The following MARK1 variants were observed in gnomAD, a reference collection of about 807,000 sequenced individuals.
MARK1 encodes the protein serine/threonine-protein kinase MARK1.
A neutral mutation model predicts 96.3 loss-of-function variants in MARK1; 40 were observed. The ratio of observed to expected loss-of-function variants is 0.42; its 90% confidence interval spans 0.32 to 0.54. The LOEUF is 0.54. MARK1 is among the 20% of genes least tolerant of loss of function. MARK1 has a pLI of 0.16. For synonymous variants in MARK1, 317 were observed against 341.2 expected (o/e 0.93, Z 0.78); for missense variants, 719 against 984.6 (o/e 0.73, Z 3.61).
At chr1:220,545,659 G>A (rs980818459) in intron 1 of MARK1, among the ~76,000 whole-genome samples, 1 of 151,882 alleles carries the variant, frequency 6.6e-6, no homozygotes, top group Non-Finnish European at 1.5e-5. Context: ...GGCTGGTTTC[G>A]AACTCTTGGG....
At chr1:220,607,853 C>A (rs1029510264) in intron 6 of MARK1, among the ~76,000 whole-genome samples, 4 of 152,100 alleles carry the variant, frequency 2.6e-5, no homozygotes, top group Non-Finnish European at 5.9e-5. Flanking sequence ...TGATGGATTA[C>A]GTTTATTGAT....
intron 1 of MARK1, among the ~76,000 whole-genome samples, chr1:220,534,077 A>G (rs549504880): frequency 2.3e-4 from 35 of 152,224 alleles, no homozygotes; most frequent in African/African-American, 7.7e-4. Flanking sequence ...AGTGTGCAGT[A>G]CAGTATTTTT....
chr1:220,560,466 C>T (rs769417287), intron 1 of MARK1, among the ~76,000 whole-genome samples: 1 of 152,166 alleles, frequency 6.6e-6, no homozygotes, highest in African/African-American at 2.4e-5. Context: ...AAATTAAGTA[C>T]ATCATGGCTT....
At chr1:220,575,174 CT>C (rs761480745) in intron 1 of MARK1, among the ~76,000 whole-genome samples, 5 of 152,126 alleles carry the variant, frequency 3.3e-5, no homozygotes, top group Non-Finnish European at 5.9e-5. Flanking sequence ...TCTCTGCTTA[CT>C]TTGACTACAC....
Position 220,594,598 on chromosome 1 carries a change from A to G in MARK1, c.310-3733A>G, listed in dbSNP as rs559531870. 6.6e-4 allele frequency among the ~76,000 whole-genome samples: 100 copies of G among 152,328 alleles called. 1 individual carries two copies. The highest frequency in any genetic ancestry group is 2.3e-3 in the African/African-American group (97 of 41,582). On this transcript the variant is annotated intron_variant, in intron 3 of 17. Transcript: ENST00000366917. ...TGTTTATATAGCAGCTTTAGTCATA[A>G]TGGTCATAACTTGGAAGCAACCAAG...
chr1:220,599,480 A>T (rs555408028), intron 4 of MARK1, among the ~76,000 whole-genome samples: 2 of 152,014 alleles, frequency 1.3e-5, no homozygotes, highest in African/African-American at 2.4e-5. Flanking sequence ...TCTCTTTTTA[A>T]ACTTCAGTTT....
intron 3 of MARK1, among the ~76,000 whole-genome samples, chr1:220,594,972 A>C (rs1665235348): frequency 6.6e-6 from 1 of 152,184 alleles, no homozygotes; most frequent in South Asian, 2.1e-4. Flanking sequence ...AATGTATAGT[A>C]GTAGCAAGAG....
chr1:220,539,731 G>C (rs988435655), intron 1 of MARK1, among the ~76,000 whole-genome samples: 3 of 150,996 alleles, frequency 2.0e-5, no homozygotes, highest in African/African-American at 7.3e-5. Flanking sequence ...TCTTGGGCGT[G>C]GTACGTGATC....
chr1:220,658,083 GTATGTCAAGC>G (rs764064055), intron 17 of MARK1, among the ~76,000 whole-genome samples: 2 of 152,152 alleles, frequency 1.3e-5, no homozygotes, highest in Non-Finnish European at 2.9e-5. Context: ...GTTCTATAAA[GTATGTCAAGC>G]TAAAGAATTA....
intron 1 of MARK1, among the ~76,000 whole-genome samples, chr1:220,565,997 T>G (rs1486473915): frequency 6.6e-6 from 1 of 152,186 alleles, no homozygotes; most frequent in Non-Finnish European, 1.5e-5. Flanking sequence ...TAAGATGGAT[T>G]TAGGTTTTGC....
Position 220,635,906 on chromosome 1 carries a change from A to G in MARK1, c.1350A>G (p.Lys450=). Residue 450 remains lysine, a synonymous_variant, in exon 13 of 18, where the codon AAA becomes AAG. Coordinates refer to ENST00000366917, the MANE Select transcript of MARK1 (RefSeq NM_018650.5). ...PQANSVESEQ[K]EEWDKDVARK... Reference sequence around the variant, plus strand: ...CTAACAGTGTGGAAAGTGAACAGAAAGAGGAGTGGGACAAAGATGTGGCTC... The same window carrying G: ...CTAACAGTGTGGAAAGTGAACAGAAGGAGGAGTGGGACAAAGATGTGGCTC... The G allele has an allele frequency of 6.2e-7, 1 of 1,614,136 alleles. No homozygotes were observed. The highest frequency in any genetic ancestry group is 8.5e-7 in the Non-Finnish European group (1 of 1,180,012).
chr1:220,528,350 C>A lies in MARK1; in HGVS notation c.-473C>A, dbSNP rs1660051640. 6.5e-6 allele frequency: 1 copy of A among 154,270 alleles called. No homozygotes were observed. The highest frequency in any genetic ancestry group is 1.4e-5 in the Non-Finnish European group (1 of 69,670). 9.6% of individuals were successfully genotyped at this position (154,270 alleles called of 1,614,324 possible). Reference sequence around the variant, plus strand: ...CGGCTGGGTCGGGCGGCGCCGTACACCTGAGGCGGAGAACGGGGCGCGGCG... The same window carrying A: ...CGGCTGGGTCGGGCGGCGCCGTACAACTGAGGCGGAGAACGGGGCGCGGCG... On this transcript the variant is annotated 5_prime_UTR_variant, in exon 1 of 18. Transcript: ENST00000366917.
intron 1 of MARK1, among the ~76,000 whole-genome samples, chr1:220,545,572 G>A (rs113692607): frequency 5.3e-4 from 81 of 151,744 alleles, no homozygotes; most frequent in Middle Eastern, 6.8e-3. Flanking sequence ...GAGTAGCTGG[G>A]ACTATAGGTG....
chr1:220,594,177 G>T (rs1665173022), intron 3 of MARK1, among the ~76,000 whole-genome samples: 1 of 152,188 alleles, frequency 6.6e-6, no homozygotes, highest in South Asian at 2.1e-4. Context: ...GCTTGAAAAG[G>T]CTTGAAAATG....
chr1:220,604,932 C>A (rs963706510), intron 6 of MARK1, among the ~76,000 whole-genome samples: 1 of 152,040 alleles, frequency 6.6e-6, no homozygotes, highest in African/African-American at 2.4e-5. Flanking sequence ...ATATCCTAAA[C>A]TTTTATTAAA....
chr1:220,611,627 C>T (rs1293510862), intron 6 of MARK1, among the ~76,000 whole-genome samples: 1 of 152,226 alleles, frequency 6.6e-6, no homozygotes, highest in Non-Finnish European at 1.5e-5. Flanking sequence ...TAGAAATCAC[C>T]TGTCTTCTGG....
chr1:220,545,239 C>A (rs1327111041), intron 1 of MARK1, among the ~76,000 whole-genome samples: 1 of 152,118 alleles, frequency 6.6e-6, no homozygotes, highest in Non-Finnish European at 1.5e-5. Context: ...CTGAAGAGGG[C>A]AGCATTTAGT....
chr1:220,604,807 T>G (rs1327433998), intron 6 of MARK1, among the ~76,000 whole-genome samples: 3 of 152,030 alleles, frequency 2.0e-5, no homozygotes, highest in Non-Finnish European at 4.4e-5. Flanking sequence ...AATAGCAAAT[T>G]AGTGAATTGT....
At chr1:220,612,198 AT>A (rs1666484635) in intron 6 of MARK1, among the ~76,000 whole-genome samples, 1 of 152,262 alleles carries the variant, frequency 6.6e-6, no homozygotes, top group East Asian at 1.9e-4. Context: ...AGTTTTACTT[AT>A]TTTTTGATAG....
Sources: gnomAD v4.1 joint callset for allele counts (sites outside exome capture counted in the v4.1 genomes callset) on GRCh38, gnomAD v4.1.1 for gene constraint, MANE v1.5 for transcripts, NCBI Gene and HGNC (gene_info 2026-07-23, HGNC 2026-07-21) for gene names.